KIAA0825: variants seen among roughly 807,000 people sequenced by gnomAD.
KIAA0825 encodes uncharacterized protein KIAA0825.
Under a neutral mutation model 147.6 loss-of-function variants are expected in KIAA0825, and 119 were observed. The ratio of observed to expected loss-of-function variants is 0.81; its 90% CI spans 0.69 to 0.94. KIAA0825 has a LOEUF of 0.94. KIAA0825 is among the 40% of genes least tolerant of loss of function. The pLI is 0.00. For synonymous variants in KIAA0825, 470 were observed against 518.1 expected, an observed-to-expected ratio of 0.91 and a Z score of 1.26; for missense variants, 1,381 against 1,472.7, an observed-to-expected ratio of 0.94 and a Z score of 1.02.
At chr5:94,534,343 G>C (rs1016982587) in intron 3 of KIAA0825, among the ~76,000 whole-genome samples, 1 of 152,008 alleles carries the variant, frequency 6.6e-6, no homozygotes, top group African/African-American at 2.4e-5. Flanking sequence ...TTATTATTCA[G>C]TATTTTATTT....
At chr5:94,349,378 G>A (rs1390285623) in intron 20 of KIAA0825, among the ~76,000 whole-genome samples, 1 of 152,118 alleles carries the variant, frequency 6.6e-6, no homozygotes, top group Non-Finnish European at 1.5e-5. Context: ...GACAGCACTG[G>A]ACAGGTCATC....
chr5:94,244,499 A>T (rs1288644191), intron 20 of KIAA0825, among the ~76,000 whole-genome samples: 1 of 152,098 alleles, frequency 6.6e-6, no homozygotes, highest in African/African-American at 2.4e-5. Flanking sequence ...TGCCTGGCTA[A>T]CTTAAAAAAA....
At chr5:94,289,328 G>T (rs1777786074) in intron 20 of KIAA0825, among the ~76,000 whole-genome samples, 1 of 152,022 alleles carries the variant, frequency 6.6e-6, no homozygotes, top group African/African-American at 2.4e-5. Flanking sequence ...CTGAGGTCTG[G>T]AGTTTGAGAC....
chr5:94,468,112 T>C (rs10514384), intron 10 of KIAA0825, among the ~76,000 whole-genome samples: 21,746 of 152,220 alleles, frequency 0.14, 1,879 homozygotes, highest in Non-Finnish European at 0.19. Context: ...TTTCCGTCTT[T>C]GAAGCTAAAG....
intron 5 of KIAA0825, among the ~76,000 whole-genome samples, chr5:94,508,132 ATT>A (rs879853305): frequency 6.9e-6 from 1 of 145,564 alleles, no homozygotes; most frequent in Admixed American, 6.9e-5. Context: ...GTGGTATGCA[ATT>A]TTTTTTTTTT....
At chr5:94,381,646 G>C (rs1249702187) in intron 20 of KIAA0825, among the ~76,000 whole-genome samples, 1 of 152,184 alleles carries the variant, frequency 6.6e-6, no homozygotes, top group Non-Finnish European at 1.5e-5. Flanking sequence ...ACTGTATTGT[G>C]TTATCAGCTT....
At chr5:94,588,429 A>G (rs967410267) in intron 1 of KIAA0825, among the ~76,000 whole-genome samples, 11 of 152,244 alleles carry the variant, frequency 7.2e-5, no homozygotes, top group African/African-American at 2.7e-4. Flanking sequence ...CAACAGACAT[A>G]TGAAAAAATG....
At chr5:94,277,641 G>C (rs887819097) in intron 20 of KIAA0825, among the ~76,000 whole-genome samples, 3 of 152,130 alleles carry the variant, frequency 2.0e-5, no homozygotes, top group African/African-American at 7.2e-5. Context: ...AAATAGGAAT[G>C]CTTTTACACT....
intron 1 of KIAA0825, among the ~76,000 whole-genome samples, 158 bp from the exon 2 acceptor site, chr5:94,582,741 T>A (rs1782436505): frequency 6.6e-6 from 1 of 152,124 alleles, no homozygotes; most frequent in Non-Finnish European, 1.5e-5. Flanking sequence ...AAAAACATCC[T>A]GAAGATTACA....
intron 20 of KIAA0825, among the ~76,000 whole-genome samples, chr5:94,380,984 A>G (rs1037269971): frequency 6.6e-6 from 1 of 152,138 alleles, no homozygotes; most frequent in Admixed American, 6.5e-5. Context: ...GGCCCCACAG[A>G]TCTCCTCTTT....
chr5:94,357,918 A>G (rs1015992548), intron 20 of KIAA0825, among the ~76,000 whole-genome samples: 1 of 152,196 alleles, frequency 6.6e-6, no homozygotes, highest in Admixed American at 6.5e-5. Context: ...AACATTAAAA[A>G]AAAAAAAAAG....
Position 94,427,817 on chromosome 5 carries a change from G to A in KIAA0825, c.2498-10452C>T, listed in dbSNP as rs544998606. ...TCATAGGTCTAGATATGAAACATAGGTCTAGATATGACCTATAGCTTGTTT... is the reference window on the plus strand; with the variant it reads ...TCATAGGTCTAGATATGAAACATAGATCTAGATATGACCTATAGCTTGTTT... On this transcript the variant is annotated intron_variant, in intron 14 of 20. Transcript: ENST00000682413. 4.6e-5 allele frequency among the ~76,000 whole-genome samples: 7 copies of A among 152,176 alleles called. No individual in the cohort carries two copies. In the East Asian group the frequency reaches 1.4e-3, roughly 29 times the overall value.
intron 20 of KIAA0825, among the ~76,000 whole-genome samples, chr5:94,184,720 C>A (rs1187262886): frequency 1.3e-5 from 2 of 152,162 alleles, no homozygotes; most frequent in East Asian, 3.8e-4. Flanking sequence ...CACATATACA[C>A]ACACATACAC....
chr5:94,206,830 C>T (rs991752871), intron 20 of KIAA0825, among the ~76,000 whole-genome samples: 2 of 152,118 alleles, frequency 1.3e-5, no homozygotes, highest in African/African-American at 2.4e-5. Context: ...CTTTTCCTTT[C>T]TTCCACCCTC....
chr5:94,614,261 A>G (rs1047322355), intron 1 of KIAA0825, among the ~76,000 whole-genome samples: 1 of 152,204 alleles, frequency 6.6e-6, no homozygotes, highest in African/African-American at 2.4e-5. Flanking sequence ...TAATACAGAG[A>G]AAAATCATAA....
chr5:94,163,162 GA>G (rs1451971652), intron 20 of KIAA0825, among the ~76,000 whole-genome samples: 2 of 152,050 alleles, frequency 1.3e-5, no homozygotes, highest in Admixed American at 1.3e-4. Flanking sequence ...GTGGTATAAA[GA>G]AAAAAGATAT....
At chr5:94,269,865 C>A (rs542870102) in intron 20 of KIAA0825, among the ~76,000 whole-genome samples, 1 of 151,808 alleles carries the variant, frequency 6.6e-6, no homozygotes, top group Non-Finnish European at 1.5e-5. Flanking sequence ...CAAAAACTTG[C>A]TTTTTAAAAA....
intron 3 of KIAA0825, among the ~76,000 whole-genome samples, chr5:94,526,379 A>G (rs1029228964): frequency 6.6e-6 from 1 of 151,942 alleles, no homozygotes; most frequent in Non-Finnish European, 1.5e-5. Flanking sequence ...GTACACAGAG[A>G]GCTTTAGCTA....
chr5:94,252,888 A>G (rs1776037261), intron 20 of KIAA0825, among the ~76,000 whole-genome samples: 1 of 152,038 alleles, frequency 6.6e-6, no homozygotes, highest in Non-Finnish European at 1.5e-5. Context: ...TGAATAATTA[A>G]CCTTTACTAC....
Sources: gnomAD v4.1 joint callset for allele counts (sites outside exome capture counted in the v4.1 genomes callset) on GRCh38, gnomAD v4.1.1 for gene constraint, MANE v1.5 for transcripts, NCBI Gene and HGNC (gene_info 2026-07-23, HGNC 2026-07-21) for gene names.